AP1G1: variants seen among roughly 807,000 people sequenced by gnomAD.
AP1G1 encodes the protein adaptor related protein complex 1 subunit gamma 1, also known as AP-1 complex subunit gamma-1.
In AP1G1, 7 loss-of-function variants were observed where a neutral mutation model predicts 108.3. The observed-to-expected ratio is 0.06, with a 90% confidence interval of 0.04 to 0.12. AP1G1 has a LOEUF of 0.12. Ranked by LOEUF, AP1G1 falls within the 10% of genes least tolerant of loss-of-function variation. The pLI, the probability that AP1G1 is intolerant of heterozygous loss-of-function variation, is 1.00. For synonymous variants in AP1G1, 379 were observed against 353.5 expected (o/e 1.07, Z -0.81); for missense variants, 756 against 1,010.7 (o/e 0.75, Z 3.42).
At chr16:71,772,953 T>C (rs2031633238) in intron 4 of AP1G1, 1 of 499,154 alleles carries the variant, frequency 2.0e-6, no homozygotes. Context: ...AATCTGTTCA[T>C]AATCACCTTG....
At chr16:71,787,316 C>A (rs2032238613) in intron 2 of AP1G1, among the ~76,000 whole-genome samples, 2 of 43,388 alleles carry the variant, frequency 4.6e-5, no homozygotes, top group Non-Finnish European at 3.9e-5. Context: ...GAGACTCTGT[C>A]TCAAAAAAAA....
intron 12 of AP1G1, 103 bp downstream of exon 12, chr16:71,755,916 C>CT: frequency 7.7e-7 from 1 of 1,299,326 alleles, no homozygotes. Flanking sequence ...ACTGCTGAGA[C>CT]TGCAGGCGTG....
At position 71,732,964 on chromosome 16, in the gene AP1G1, T is replaced by C; in HGVS notation, c.*94A>G. ...AGTTCTCTTCAGCTCCTCATGCCCG[T>C]GGTACAGTTGGGGGGGACTTGCCAG... is the stretch of plus-strand genomic sequence containing the variant. On this transcript the variant is annotated 3_prime_UTR_variant, in exon 23 of 23. Transcript: ENST00000299980. 1.1e-6 allele frequency: 1 copy of C among 932,388 alleles called. No homozygotes were observed. The highest frequency in any genetic ancestry group is 1.5e-5 in the South Asian group (1 of 64,674). The allele number at this position is 932,388 out of a possible 1,614,324, so 57.8% of individuals were successfully genotyped here. A position where few individuals can be genotyped will look rare whatever the true frequency, so the allele number is the denominator to read the frequency against.
chr16:71,755,563 C>T lies in AP1G1; in HGVS notation c.1229+456G>A, dbSNP rs188104245. Reference sequence around the variant, plus strand: ...ATATTTAAATGCTGGCTATAATAGCCTTCTCCAAGCTAATTTATAATTGAG... The same window carrying T: ...ATATTTAAATGCTGGCTATAATAGCTTTCTCCAAGCTAATTTATAATTGAG... On this transcript the variant is annotated intron_variant, in intron 12 of 22. Transcript: ENST00000299980. Among the ~76,000 whole-genome samples the T allele has an allele frequency of 1.0e-3, 159 of 152,236 alleles. No individual in the cohort carries two copies. In the Middle Eastern group the frequency reaches 0.027, roughly 26 times the overall value.
intron 9 of AP1G1, among the ~76,000 whole-genome samples, chr16:71,761,816 CAAA>C (rs375647068): frequency 3.8e-4 from 17 of 44,842 alleles, no homozygotes; most frequent in South Asian, 9.5e-4. Context: ...GACTCCATCT[CAAA>C]AAAAAAAAAA....
At chr16:71,771,564 T>C (rs1368345103) in intron 4 of AP1G1, among the ~76,000 whole-genome samples, 1 of 152,208 alleles carries the variant, frequency 6.6e-6, no homozygotes, top group African/African-American at 2.4e-5. Flanking sequence ...TATTAACTGG[T>C]TGGGGAGTTC....
rs1426312089 is a variant in AP1G1, at chr16:71,731,169, A to G, written c.*1889T>C. ...CACAGGCAGAGCAGTTGTCTGAAAT[A>G]TGCACTAGTCCACACTTACATTACT... On this transcript the variant is annotated 3_prime_UTR_variant, in exon 23 of 23. Coordinates refer to ENST00000299980, the MANE Select transcript of AP1G1 (RefSeq NM_001128.6). 2 of 152,506 alleles carry G rather than the reference A, an allele frequency of 1.3e-5. No individual in the cohort carries two copies. Among genetic ancestry groups the G allele is most frequent in the African/African-American group, 4.8e-5 (2 of 41,474 alleles). 9.4% of individuals were successfully genotyped at this position (152,506 alleles called of 1,614,324 possible).
At chr16:71,807,851 T>C (rs1184615772) in intron 1 of AP1G1, 13 of 1,288,614 alleles carry the variant, frequency 1.0e-5, no homozygotes, top group Non-Finnish European at 1.2e-5. Context: ...CAGGGATATA[T>C]AATAGGGGAG....
At chr16:71,778,044 A>C (rs1400012481) in intron 2 of AP1G1, among the ~76,000 whole-genome samples, 1 of 152,216 alleles carries the variant, frequency 6.6e-6, no homozygotes, top group Non-Finnish European at 1.5e-5. Context: ...TTTAAGACAT[A>C]CCTAAAATTT....
chr16:71,791,508 C>T (rs570690566), intron 1 of AP1G1, among the ~76,000 whole-genome samples: 6 of 151,876 alleles, frequency 4.0e-5, no homozygotes, highest in African/African-American at 7.2e-5. Flanking sequence ...GATAGGGAAA[C>T]GCTGTCTCTA....
Position 71,732,973 on chromosome 16 carries a change from TG to T in AP1G1, c.*84del, listed in dbSNP as rs1426156228. 5.7e-6 allele frequency: 6 copies of T among 1,061,460 alleles called. No individual in the cohort carries two copies. Among genetic ancestry groups the T allele is most frequent in the African/African-American group, 1.6e-5 (1 of 63,476 alleles). The allele number at this position is 1,061,460 out of a possible 1,614,324, so 65.8% of individuals were successfully genotyped here. A position where few individuals can be genotyped will look rare whatever the true frequency, so the allele number is the denominator to read the frequency against. ...CAGCTCCTCATGCCCGTGGTACAGT[TG>T]GGGGGGACTTGCCAGCAATCACAAC... is the stretch of plus-strand genomic sequence containing the variant. On this transcript the variant is annotated 3_prime_UTR_variant, in exon 23 of 23. Coordinates refer to ENST00000299980, the MANE Select transcript of AP1G1 (RefSeq NM_001128.6).
chr16:71,790,230 C>A (rs1334913312), intron 1 of AP1G1, among the ~76,000 whole-genome samples: 1 of 152,038 alleles, frequency 6.6e-6, no homozygotes, highest in Non-Finnish European at 1.5e-5. Context: ...AAATGTGGAA[C>A]TAACTGAATG....
chr16:71,735,721 T>C (rs1055733423), intron 21 of AP1G1, among the ~76,000 whole-genome samples: 1 of 152,094 alleles, frequency 6.6e-6, no homozygotes, highest in Non-Finnish European at 1.5e-5. Flanking sequence ...GTAGCTATTG[T>C]ATGAACTAGC....
At chr16:71,785,863 C>G (rs1396235915) in intron 2 of AP1G1, among the ~76,000 whole-genome samples, 3 of 151,668 alleles carry the variant, frequency 2.0e-5, no homozygotes, top group African/African-American at 7.3e-5. Context: ...GCCTGGGCAA[C>G]AGGGCGAGAC....
chr16:71,805,313 T>A (rs951912534), intron 1 of AP1G1, among the ~76,000 whole-genome samples: 1 of 151,972 alleles, frequency 6.6e-6, no homozygotes, highest in Middle Eastern at 3.2e-3. Context: ...CTGGGCATGG[T>A]GGCGCACGCT....
chr16:71,729,980 G>A lies in AP1G1; in HGVS notation c.*3078C>T, dbSNP rs1283275283. The stretch of plus-strand genomic sequence containing the variant: ...ACGACATAAAAAAAATGGGAAGCAT[G>A]TTATATAAACCATTAGTGTTGGACA... On this transcript the variant is annotated 3_prime_UTR_variant, in exon 23 of 23. Coordinates refer to ENST00000299980, the MANE Select transcript of AP1G1 (RefSeq NM_001128.6). 2 of 152,468 alleles carry A rather than the reference G, an allele frequency of 1.3e-5. No homozygotes were observed. The highest frequency in any genetic ancestry group is 2.4e-5 in the African/African-American group (1 of 41,424). The allele number at this position is 152,468 out of a possible 1,614,324, so 9.4% of individuals were successfully genotyped here.
intron 1 of AP1G1, among the ~76,000 whole-genome samples, chr16:71,799,353 T>G (rs189874644): frequency 1.3e-4 from 20 of 152,226 alleles, no homozygotes; most frequent in African/African-American, 4.8e-4. Context: ...ATATTTATTG[T>G]AGCACTTTGT....
intron 12 of AP1G1, 182 bp downstream of exon 12, chr16:71,755,837 G>T: frequency 1.6e-6 from 1 of 609,316 alleles, no homozygotes; most frequent in Admixed American, 2.8e-5. Flanking sequence ...GTGGCGACAG[G>T]GTTTCACTAT....
chr16:71,750,960 T>C (rs1205774194), intron 13 of AP1G1, among the ~76,000 whole-genome samples: 2 of 150,982 alleles, frequency 1.3e-5, no homozygotes, highest in African/African-American at 2.4e-5. Flanking sequence ...ATCGAGACCA[T>C]CCTGGCTAAC....
Sources: allele counts gnomAD v4.1 joint callset (sites outside exome capture counted in the v4.1 genomes callset), GRCh38; gene constraint gnomAD v4.1.1; transcripts MANE v1.5; gene names NCBI Gene and HGNC (gene_info 2026-07-23, HGNC 2026-07-21).